The following CCNDBP1 variants were observed in gnomAD, a reference collection of about 807,000 sequenced individuals.
CCNDBP1 encodes cyclin-D1-binding protein 1.
A neutral mutation model predicts 46.2 loss-of-function variants in CCNDBP1; 45 were observed. That is an observed-to-expected ratio of 0.97 (90% CI 0.77 to 1.25). The LOEUF (loss-of-function observed/expected upper bound fraction) is 1.25, where lower values mean the gene tolerates loss of function less well. CCNDBP1 is among the 50% of genes most tolerant of loss of function. The pLI, the probability that CCNDBP1 is intolerant of heterozygous loss-of-function variation, is 0.00. For synonymous variants in CCNDBP1, 154 were observed against 163.6 expected (o/e 0.94, Z 0.45); for missense variants, 436 against 442.1 (o/e 0.99, Z 0.12).
At chr15:43,189,321 C>G in intron 4 of CCNDBP1, 41 bp downstream of exon 4, 1 of 1,162,732 alleles carries the variant, frequency 8.6e-7, no homozygotes. Flanking sequence ...TAGATCTTTG[C>G]TAATATTGTG....
In CCNDBP1 at chr15:43,197,171, T is replaced by A. The variant is rs529066188; in HGVS notation, c.*2330T>A. 2.9e-4 allele frequency: 382 copies of A among 1,334,898 alleles called. 1 individual carries two copies. The highest frequency in any genetic ancestry group is 5.8e-4 in the Admixed American group (29 of 50,348). 82.7% of individuals were successfully genotyped at this position (1,334,898 alleles called of 1,614,324 possible). A position where few individuals can be genotyped will look rare whatever the true frequency, so the allele number is the denominator to read the frequency against. ...TGAGCCAAATAAAGCTCTTTTCTTT[T>A]AAACTACCCAGCCTCAGTTATTCCT... On this transcript the variant is annotated 3_prime_UTR_variant, in exon 11 of 11. Coordinates refer to ENST00000300213, the MANE Select transcript of CCNDBP1 (RefSeq NM_012142.5).
intron 2 of CCNDBP1, 75 bp downstream of exon 2, chr15:43,185,954 C>G: frequency 6.9e-7 from 1 of 1,445,688 alleles, no homozygotes; most frequent in Non-Finnish European, 9.5e-7. Flanking sequence ...CCCGCTGTCC[C>G]CCACGGAGGG....
At position 43,191,392 on chromosome 15, in the gene CCNDBP1, T is replaced by C. The variant is rs182468887; in HGVS notation, c.580-3T>C. On this transcript the variant is annotated splice_region_variant and splice_polypyrimidine_tract_variant and intron_variant, in intron 7 of 10. Transcript: ENST00000300213. ...CATTCACATACATCATGGTATGTCT[T>C]AGGCTGTGGAAGAATGTGACCCTTA... 5.7e-5 allele frequency: 87 copies of C among 1,538,168 alleles called. No homozygotes were observed. In the African/African-American group the frequency reaches 1.1e-3, roughly 20 times the overall value.
Position 43,191,556 on chromosome 15 carries a change from G to A in CCNDBP1, c.741G>A (p.Leu247=). ...DQELIIPCLA[L]VRASKACLKK... is the part of the protein sequence containing the mutation. ...AGCTCATAATCCCATGCCTTGCGCT[G>A]GTGAGAGCATCCAAAGCCTGCCTGA... The change falls in exon 8 of 11, where the codon CTG becomes CTA. Residue 247 remains leucine (L), a synonymous_variant. Transcript: ENST00000300213. 6.2e-7 allele frequency: 1 copy of A among 1,614,052 alleles called. No individual in the cohort carries two copies. Among genetic ancestry groups the A allele is most frequent in the Non-Finnish European group, 8.5e-7 (1 of 1,180,010 alleles).
In CCNDBP1 at chr15:43,195,252, A is replaced by C. The variant is rs1018028033; in HGVS notation, c.*411A>C. On this transcript the variant is annotated 3_prime_UTR_variant, in exon 11 of 11. Coordinates refer to ENST00000300213, the MANE Select transcript of CCNDBP1 (RefSeq NM_012142.5). ...CAGAAATACAGTGGATTGAGACTAG[A>C]ACATTGCTTTCATTTGGGTTTGTAG... is the stretch of plus-strand genomic sequence containing the variant. The C allele has an allele frequency of 6.4e-6, 1 of 155,598 alleles. No individual in the cohort carries two copies. The highest frequency in any genetic ancestry group is 1.4e-5 in the Non-Finnish European group (1 of 70,582). The allele number at this position is 155,598 out of a possible 1,614,324, so 9.6% of individuals were successfully genotyped here. A position where few individuals can be genotyped will look rare whatever the true frequency, so the allele number is the denominator to read the frequency against.
At chr15:43,191,342 C>CTT in intron 7 of CCNDBP1, 53 bp from the exon 8 acceptor site, 3 of 1,109,194 alleles carry the variant, frequency 2.7e-6, no homozygotes. Context: ...ATAGGCCTCG[C>CTT]CTTTTTTTTT....
intron 6 of CCNDBP1, 103 bp downstream of exon 6, chr15:43,190,501 CTA>C (rs1471390597): frequency 3.9e-6 from 3 of 767,350 alleles, no homozygotes; most frequent in African/African-American, 1.8e-5. Context: ...TATAAACAGT[CTA>C]GTGAAATATA....
intron 4 of CCNDBP1, chr15:43,189,502 C>T: frequency 2.1e-6 from 1 of 465,866 alleles, no homozygotes; most frequent in South Asian, 3.4e-5. Context: ...TTGCCTGACT[C>T]ATAAGGCTTT....
chr15:43,187,860 A>G (rs2041878221), intron 3 of CCNDBP1, among the ~76,000 whole-genome samples: 1 of 152,192 alleles, frequency 6.6e-6, no homozygotes. Context: ...CAAATATTCA[A>G]GTATATACAT....
intron 1 of CCNDBP1, 102 bp downstream of exon 1, chr15:43,185,709 A>AGGGCGGGCGGGGGCGGCGGCGGGG: frequency 9.8e-7 from 1 of 1,016,938 alleles, no homozygotes; most frequent in African/African-American, 2.0e-5. Flanking sequence ...GGTCGCGGAG[A>AGGGCGGGCGGGGGCGGCGGCGGGG]GGGCGGGCTG....
At chr15:43,194,255 T>TA in intron 9 of CCNDBP1, 160 bp from the exon 10 acceptor site, 2 of 536,408 alleles carry the variant, frequency 3.7e-6, no homozygotes, top group Non-Finnish European at 6.5e-6. Flanking sequence ...AAAGAACCCG[T>TA]AATCCTGCCA....
Position 43,185,878 on chromosome 15 carries a change from C to T in CCNDBP1, c.168C>T (p.Leu56=). 1 of 1,610,314 alleles carries T rather than the reference C, an allele frequency of 6.2e-7. No homozygotes were observed. The highest frequency in any genetic ancestry group is 8.5e-7 in the Non-Finnish European group (1 of 1,179,606). The part of the protein sequence containing the change: ...EFNREMFWRR[L]NEAAVTVSRE... Reference sequence around the variant, plus strand: ...ATCGAGAGATGTTCTGGAGAAGACTCAGTGAGTGCGCCTCCTTCCGGGCTC... The same window carrying T: ...ATCGAGAGATGTTCTGGAGAAGACTTAGTGAGTGCGCCTCCTTCCGGGCTC... The change falls in exon 2 of 11, where the codon CTC becomes CTT. Residue 56 remains leucine (L), a splice_region_variant and synonymous_variant. Transcript: ENST00000300213.
intron 3 of CCNDBP1, among the ~76,000 whole-genome samples, chr15:43,188,067 G>A (rs911677833): frequency 3.3e-5 from 5 of 151,704 alleles, no homozygotes; most frequent in Non-Finnish European, 7.4e-5. Flanking sequence ...TTATGTGCTC[G>A]GATGTTGAAT....
rs1313890459 is a variant in CCNDBP1, at chr15:43,185,815, A to G, written c.110-5A>G. On this transcript the variant is annotated splice_region_variant and splice_polypyrimidine_tract_variant and intron_variant, in intron 1 of 10. Transcript: ENST00000300213. Reference sequence around the variant, plus strand: ...CGTTCGGCCCCCACACGCCACACCCACAAGTCGGCGAAGCCCAGGAGACCA... The same window carrying G: ...CGTTCGGCCCCCACACGCCACACCCGCAAGTCGGCGAAGCCCAGGAGACCA... 1 of 1,610,418 alleles carries G rather than the reference A, an allele frequency of 6.2e-7. No homozygotes were observed. Among genetic ancestry groups the G allele is most frequent in the Non-Finnish European group, 8.5e-7 (1 of 1,179,868 alleles).
Position 43,194,592 on chromosome 15 carries a change from T to G in CCNDBP1, c.968+131T>G, listed in dbSNP as rs562332329. The G allele has an allele frequency of 3.6e-5, 36 of 996,274 alleles. No individual in the cohort carries two copies. The South Asian group carries it at 4.3e-4, about 12-fold the overall frequency. The allele number at this position is 996,274 out of a possible 1,614,324, so 61.7% of individuals were successfully genotyped here. ...TGTGGGATTTTCTTTCAGCTTCAGT[T>G]GTGGGGCAGCTGAGATTCTGCAAAG... On this transcript the variant is annotated intron_variant, in intron 10 of 10. Transcript: ENST00000300213.
Position 43,194,861 on chromosome 15 carries a change from C to T in CCNDBP1, c.*20C>T, listed in dbSNP as rs761165415. 4 of 1,387,738 alleles carry T rather than the reference C, an allele frequency of 2.9e-6. No homozygotes were observed. In the Admixed American group the frequency reaches 6.7e-5, roughly 23 times the overall value. The allele number at this position is 1,387,738 out of a possible 1,614,324, so 86.0% of individuals were successfully genotyped here. A position where few individuals can be genotyped will look rare whatever the true frequency, so the allele number is the denominator to read the frequency against. ...TTATGACTTTTCAGGCTCATTTGTA[C>T]TCTCTTCCCCTCTCATCGTCATGGT... is the stretch of plus-strand genomic sequence containing the variant. On this transcript the variant is annotated 3_prime_UTR_variant, in exon 11 of 11. Coordinates refer to ENST00000300213, the MANE Select transcript of CCNDBP1 (RefSeq NM_012142.5).
intron 10 of CCNDBP1, 115 bp from the exon 11 acceptor site, chr15:43,194,612 G>A (rs1161953522): frequency 2.0e-6 from 2 of 1,000,488 alleles, no homozygotes; most frequent in Admixed American, 2.4e-5. Flanking sequence ...CTGAGATTCT[G>A]CAAAGAAGCT....
chr15:43,188,139 C>T (rs1218463656), intron 3 of CCNDBP1, among the ~76,000 whole-genome samples: 1 of 152,192 alleles, frequency 6.6e-6, no homozygotes, highest in Non-Finnish European at 1.5e-5. Flanking sequence ...TCATCCCTGA[C>T]TGGTCACAAA....
Position 43,185,809 on chromosome 15 carries a change from A to G in CCNDBP1, c.110-11A>G. 1.2e-6 allele frequency: 2 copies of G among 1,609,930 alleles called. No homozygotes were observed. The highest frequency in any genetic ancestry group is 1.7e-6 in the Non-Finnish European group (2 of 1,179,786). On this transcript the variant is annotated splice_polypyrimidine_tract_variant and intron_variant, in intron 1 of 10. Coordinates refer to ENST00000300213, the MANE Select transcript of CCNDBP1 (RefSeq NM_012142.5). ...CGCCACCGTTCGGCCCCCACACGCC[A>G]CACCCACAAGTCGGCGAAGCCCAGG...
Sources: gnomAD v4.1 joint callset for allele counts (sites outside exome capture counted in the v4.1 genomes callset) on GRCh38, gnomAD v4.1.1 for gene constraint, MANE v1.5 for transcripts, NCBI Gene and HGNC (gene_info 2026-07-23, HGNC 2026-07-21) for gene names.